Variants in CCDC148 observed in about 807,000 individuals in gnomAD.
The protein encoded by CCDC148 is coiled-coil domain-containing protein 148.
In CCDC148, 89 loss-of-function variants were observed where a neutral mutation model predicts 85.7. That is an observed-to-expected ratio of 1.04 (90% confidence interval 0.87 to 1.24). CCDC148 has a LOEUF of 1.24. Ranked by LOEUF, CCDC148 falls within the 50% of genes most tolerant of loss-of-function variation. The probability of loss-of-function intolerance (pLI) is 0.00; values close to 1 mark genes in which losing one functional copy is unlikely to be tolerated. For missense variants in CCDC148, 692 were observed against 671.7 expected (o/e 1.03, Z -0.33); for synonymous variants, 230 against 213.9 (o/e 1.08, Z -0.66).
At chr2:158,278,290 A>T (rs1354904572) in intron 9 of CCDC148, among the ~76,000 whole-genome samples, 1 of 152,034 alleles carries the variant, frequency 6.6e-6, no homozygotes, top group Non-Finnish European at 1.5e-5. Context: ...CAGTGGGTGC[A>T]GCTCACCATG....
rs180745304 is a variant in CCDC148 at position 158,251,499 on chromosome 2, T to C, written c.1111-587A>G. On this transcript the variant is annotated intron_variant, in intron 9 of 13. Coordinates refer to ENST00000283233, the MANE Select transcript of CCDC148 (RefSeq NM_138803.4). ...TATGCGTCACAATATAAAAAATGCA[T>C]AGCCTTGATCCACAACCCTATTTCC... Among the ~76,000 whole-genome samples, 13 of 151,966 alleles carry C rather than the reference T, an allele frequency of 8.6e-5. 1 individual carries two copies. The highest frequency in any genetic ancestry group is 5.9e-4 in the Admixed American group (9 of 15,218).
At chr2:158,242,082 T>TA (rs151212803) in intron 10 of CCDC148, among the ~76,000 whole-genome samples, 10,339 of 152,196 alleles carry the variant, frequency 0.068, 1,122 homozygotes, top group African/African-American at 0.23. Flanking sequence ...CATTTCTTCT[T>TA]ACTTGACCTT....
intron 12 of CCDC148, among the ~76,000 whole-genome samples, chr2:158,177,440 C>G (rs1176459007): frequency 6.6e-6 from 1 of 152,062 alleles, no homozygotes; most frequent in African/African-American, 2.4e-5. Context: ...GTTGAACATG[C>G]TTTAATTATT....
intron 9 of CCDC148, among the ~76,000 whole-genome samples, chr2:158,265,289 G>A (rs1241428878): frequency 6.6e-6 from 1 of 152,078 alleles, no homozygotes; most frequent in African/African-American, 2.4e-5. Context: ...GATGCTATCT[G>A]TCATAACAGA....
chr2:158,252,180 A>T (rs964629157), intron 9 of CCDC148, among the ~76,000 whole-genome samples: 3 of 151,866 alleles, frequency 2.0e-5, no homozygotes, highest in Admixed American at 6.6e-5. Flanking sequence ...AATTAAATAA[A>T]TAAAATGTCA....
chr2:158,226,227 C>T (rs1429362173), intron 10 of CCDC148, among the ~76,000 whole-genome samples: 1 of 152,130 alleles, frequency 6.6e-6, no homozygotes, highest in Non-Finnish European at 1.5e-5. Context: ...AATTCCTCAA[C>T]ACATACACCC....
rs147761131 is a variant in CCDC148, at chr2:158,376,930, A to G, written c.26-18360T>C. 7.5e-3 allele frequency among the ~76,000 whole-genome samples: 1,144 copies of G among 151,982 alleles called. 20 individuals carry two copies. The highest frequency in any genetic ancestry group is 0.026 in the African/African-American group (1,091 of 41,504). On this transcript the variant is annotated intron_variant, in intron 1 of 13. Coordinates refer to ENST00000283233, the MANE Select transcript of CCDC148 (RefSeq NM_138803.4). ...TCAGGTCTGGGTAGGGTTTTCAGGG[A>G]GAGGCAGTGACTGAGGATGAGCAGC...
chr2:158,179,115 T>G, intron 11 of CCDC148, 119 bp from the exon 12 acceptor site: 1 of 614,154 alleles, frequency 1.6e-6, no homozygotes, highest in Non-Finnish European at 2.8e-6. Flanking sequence ...CATTTTTTTT[T>G]TTACTGATTT....
intron 1 of CCDC148, among the ~76,000 whole-genome samples, chr2:158,373,167 A>G (rs1245318467): frequency 3.3e-5 from 5 of 152,046 alleles, no homozygotes; most frequent in African/African-American, 1.2e-4. Context: ...AGAAAGCAGG[A>G]AGGTTTGAAG....
chr2:158,296,724 C>T (rs1574571433), intron 9 of CCDC148, among the ~76,000 whole-genome samples: 1 of 152,070 alleles, frequency 6.6e-6, no homozygotes, highest in South Asian at 2.1e-4. Context: ...TAAAATAGAC[C>T]CCAATGCAGA....
chr2:158,218,198 G>A (rs546018722), intron 11 of CCDC148, among the ~76,000 whole-genome samples: 4 of 152,050 alleles, frequency 2.6e-5, no homozygotes, highest in African/African-American at 4.8e-5. Context: ...TTTAACATAC[G>A]AGTTGAACAA....
chr2:158,222,696 G>A (rs765935807), intron 10 of CCDC148, among the ~76,000 whole-genome samples: 1 of 152,114 alleles, frequency 6.6e-6, no homozygotes, highest in Non-Finnish European at 1.5e-5. Context: ...GTCTGTTTCA[G>A]GCCATTATGA....
chr2:158,411,314 T>C (rs1457433518), intron 1 of CCDC148, among the ~76,000 whole-genome samples: 1 of 152,116 alleles, frequency 6.6e-6, no homozygotes, highest in African/African-American at 2.4e-5. Flanking sequence ...CCTATGACTC[T>C]GATAATTTGT....
chr2:158,306,019 T>C (rs1201937479), intron 9 of CCDC148, among the ~76,000 whole-genome samples: 1 of 152,192 alleles, frequency 6.6e-6, no homozygotes, highest in African/African-American at 2.4e-5. Context: ...GGCTACACAC[T>C]GTTGAGTTAC....
intron 1 of CCDC148, among the ~76,000 whole-genome samples, chr2:158,362,204 T>C (rs570337743): frequency 1.3e-5 from 2 of 152,034 alleles, no homozygotes; most frequent in South Asian, 4.2e-4. Flanking sequence ...CAAAGAGACT[T>C]AGACTCCCAC....
rs140320135 is a variant in CCDC148 at position 158,450,132 on chromosome 2, A to C, written c.25+6283T>G. On this transcript the variant is annotated intron_variant, in intron 1 of 13. Coordinates refer to ENST00000283233, the MANE Select transcript of CCDC148 (RefSeq NM_138803.4). ...AGAAAACAACAATAAACAGTGGCCC[A>C]GGGATGTAAAGGGCCAGGCATCACG... is the stretch of plus-strand genomic sequence containing the variant. Among the ~76,000 whole-genome samples, 347 of 152,256 alleles carry C rather than the reference A, an allele frequency of 2.3e-3. 1 individual carries two copies. Among genetic ancestry groups the C allele is most frequent in the African/African-American group, 7.9e-3 (329 of 41,546 alleles).
chr2:158,453,012 C>G (rs1480383449), intron 1 of CCDC148, among the ~76,000 whole-genome samples: 2 of 152,232 alleles, frequency 1.3e-5, no homozygotes, highest in African/African-American at 2.4e-5. Flanking sequence ...CATTGTACAG[C>G]TAATCCCAAC....
At chr2:158,226,004 A>G (rs1687495986) in intron 10 of CCDC148, among the ~76,000 whole-genome samples, 3 of 152,248 alleles carry the variant, frequency 2.0e-5, no homozygotes, top group South Asian at 2.1e-4. Flanking sequence ...CAAAAAATCA[A>G]TGAATCTAGG....
intron 9 of CCDC148, among the ~76,000 whole-genome samples, chr2:158,284,382 T>C (rs1482679977): frequency 6.6e-6 from 1 of 152,034 alleles, no homozygotes; most frequent in Admixed American, 6.5e-5. Context: ...ATAATAAAAA[T>C]AACAACCTCT....
Sources: allele counts gnomAD v4.1 joint callset (sites outside exome capture counted in the v4.1 genomes callset), GRCh38; gene constraint gnomAD v4.1.1; transcripts MANE v1.5; gene names NCBI Gene and HGNC (gene_info 2026-07-23, HGNC 2026-07-21).